Variants in GON4L observed in about 807,000 individuals in gnomAD.
GON4L encodes the protein gon-4 like, also known as GON-4-like protein.
GON4L carries 87 observed loss-of-function variants against 211.8 expected under a neutral mutation model. The observed-to-expected ratio is 0.41, with a 90% confidence interval of 0.35 to 0.49. GON4L has a LOEUF of 0.49. GON4L is among the 20% of genes least tolerant of loss of function. GON4L has a pLI of 0.15. For missense variants in GON4L, 2,155 were observed against 2,659.5 expected (o/e 0.81, Z 4.17); for synonymous variants, 875 against 962.6 (o/e 0.91, Z 1.68).
At chr1:155,797,369 C>T (rs918672099) in intron 11 of GON4L, among the ~76,000 whole-genome samples, 8 of 151,844 alleles carry the variant, frequency 5.3e-5, no homozygotes, top group Non-Finnish European at 1.2e-4. Context: ...CCTGCCTCGG[C>T]CCCTAAAAAG....
rs2102190182 is a variant in GON4L at position 155,814,179 on chromosome 1, T to C, written c.1281+151A>G. 4 of 840,152 alleles carry C rather than the reference T, an allele frequency of 4.8e-6. No individual in the cohort carries two copies. The South Asian group carries it at 5.6e-5, about 12-fold the overall frequency. 52.0% of individuals were successfully genotyped at this position (840,152 alleles called of 1,614,324 possible). A position where few individuals can be genotyped will look rare whatever the true frequency, so the allele number is the denominator to read the frequency against. On this transcript the variant is annotated intron_variant, in intron 9 of 31. Coordinates refer to ENST00000368331, the MANE Select transcript of GON4L (RefSeq NM_001282860.2). ...GAAAAGTTCTTTGGCTATCACTGAG[T>C]TCTAGCCTTCTCTGAACTGTTTACT...
chr1:155,775,761 G>T (rs952677229), intron 16 of GON4L, among the ~76,000 whole-genome samples: 2 of 151,854 alleles, frequency 1.3e-5, no homozygotes, highest in Non-Finnish European at 2.9e-5. Context: ...ACCCAGCCAA[G>T]AATTAGGACT....
intron 27 of GON4L, among the ~76,000 whole-genome samples, chr1:155,756,385 G>T (rs922402494): frequency 1.3e-5 from 2 of 152,126 alleles, no homozygotes; most frequent in Non-Finnish European, 2.9e-5. Context: ...GAGCTAGACA[G>T]AAAAGGGGAA....
At position 155,795,052 on chromosome 1, in the gene GON4L, G is replaced by A; in HGVS notation, c.1745C>T (p.Thr582Ile). The change falls in exon 12 of 32, where the codon ACC becomes ATC. Residue 582 changes from threonine (T) to isoleucine (I), a missense_variant and splice_region_variant. By Grantham distance (89) the Thr-to-Ile change is moderately conservative. Coordinates refer to ENST00000368331, the MANE Select transcript of GON4L (RefSeq NM_001282860.2). ...ACTTAGAATAAACACAGACTCACTG[G>A]TGATTCTCACTGCCCGGTCAGTCCG... Reference protein sequence around the residue: ...DFRTDRAVRITKKEVNELMEE... With the variant: ...DFRTDRAVRIIKKEVNELMEE... 6.5e-7 allele frequency: 1 copy of A among 1,538,292 alleles called. No individual in the cohort carries two copies. Among genetic ancestry groups the A allele is most frequent in the Non-Finnish European group, 9.0e-7 (1 of 1,110,830 alleles).
intron 24 of GON4L, among the ~76,000 whole-genome samples, chr1:155,758,679 G>C (rs1168262698): frequency 6.6e-6 from 1 of 152,112 alleles, no homozygotes; most frequent in Non-Finnish European, 1.5e-5. Flanking sequence ...AAGAGTTCGA[G>C]ACCAGCCTGA....
chr1:155,786,352 A>G (rs1014045029), intron 12 of GON4L, among the ~76,000 whole-genome samples: 1 of 152,082 alleles, frequency 6.6e-6, no homozygotes, highest in Non-Finnish European at 1.5e-5. Flanking sequence ...CCTGGGCAAA[A>G]TGTTGAAACC....
chr1:155,824,762 C>CA (rs58791710), intron 3 of GON4L, among the ~76,000 whole-genome samples: 2,909 of 51,724 alleles, frequency 0.056, 91 homozygotes, highest in African/African-American at 0.12. Flanking sequence ...GACTCTGTCG[C>CA]AAAAAAAAAA....
In GON4L at chr1:155,753,362, C is replaced by T. The variant is rs1223511990; in HGVS notation, c.5684G>A (p.Ser1895Asn). ...AGGACTAGCCTCTCGGTGGGGGCTG[C>T]TGCCCACCAACTCATGGGGCTCCTT... ...KSKEPHELVGSSPHREASPMP... is the reference protein window; with the variant it reads ...KSKEPHELVGNSPHREASPMP... Residue 1895 changes from serine to asparagine, a missense_variant, in exon 29 of 32, where the codon AGC becomes AAC. Physicochemically the swap from Ser to Asn is conservative, Grantham distance 46. Coordinates refer to ENST00000368331, the MANE Select transcript of GON4L (RefSeq NM_001282860.2). 6.2e-7 allele frequency: 1 copy of T among 1,612,920 alleles called. No homozygotes were observed. Among genetic ancestry groups the T allele is most frequent in the African/African-American group, 1.3e-5 (1 of 74,714 alleles).
At position 155,796,477 on chromosome 1, in the gene GON4L, C is replaced by T. The variant is rs1666080819; in HGVS notation, c.1646-1326G>A. ...ATTTTTAGTAGAGACAAGGTTTCAC[C>T]ATGTTGGCCAAGCTGGTCTCGAACT... On this transcript the variant is annotated intron_variant, in intron 11 of 31. Coordinates refer to ENST00000368331, the MANE Select transcript of GON4L (RefSeq NM_001282860.2). Among the ~76,000 whole-genome samples the T allele has an allele frequency of 1.3e-5, 2 of 152,116 alleles. 1 individual carries two copies. The highest frequency in any genetic ancestry group is 1.3e-4 in the Admixed American group (2 of 15,260).
chr1:155,835,891 T>C (rs750149162), intron 2 of GON4L, among the ~76,000 whole-genome samples: 1 of 152,176 alleles, frequency 6.6e-6, no homozygotes, highest in African/African-American at 2.4e-5. Context: ...TTGGTGACCA[T>C]GAAGAGACCA....
intron 12 of GON4L, among the ~76,000 whole-genome samples, chr1:155,792,940 T>C (rs1312463573): frequency 1.3e-5 from 2 of 152,104 alleles, no homozygotes; most frequent in African/African-American, 4.8e-5. Context: ...ATTTTTAAAA[T>C]GTTTTTGTAG....
chr1:155,811,159 G>A (rs1011207166), intron 10 of GON4L, among the ~76,000 whole-genome samples: 6 of 151,844 alleles, frequency 4.0e-5, no homozygotes, highest in African/African-American at 7.3e-5. Context: ...TTGGGAGGCC[G>A]AGGCAAGTGG....
chr1:155,772,405 A>T (rs1663286785), intron 18 of GON4L, among the ~76,000 whole-genome samples: 1 of 152,088 alleles, frequency 6.6e-6, no homozygotes, highest in Admixed American at 6.6e-5. Context: ...TCGTGGTTAC[A>T]TATACACATA....
intron 2 of GON4L, among the ~76,000 whole-genome samples, chr1:155,834,364 G>A (rs891610166): frequency 7.2e-5 from 11 of 151,952 alleles, no homozygotes; most frequent in African/African-American, 2.4e-4. Flanking sequence ...TCTTCCTCAA[G>A]GCAAGGTTGT....
At chr1:155,772,449 G>A (rs1030569439) in intron 18 of GON4L, among the ~76,000 whole-genome samples, 2 of 151,770 alleles carry the variant, frequency 1.3e-5, no homozygotes, top group African/African-American at 2.4e-5. Context: ...ACACACAAAG[G>A]GCCATAAAAA....
intron 2 of GON4L, among the ~76,000 whole-genome samples, chr1:155,831,252 T>A (rs1160049090): frequency 6.6e-6 from 1 of 152,034 alleles, no homozygotes; most frequent in East Asian, 1.9e-4. Flanking sequence ...TGAGCCGTAA[T>A]TGCACTGCTG....
At chr1:155,829,558 GTGAGCCAAGGTTGCAC>G (rs1202202682) in intron 2 of GON4L, among the ~76,000 whole-genome samples, 4 of 152,124 alleles carry the variant, frequency 2.6e-5, no homozygotes, top group Non-Finnish European at 4.4e-5. Context: ...CAAGGTTGCA[GTGAGCCAAGGTTGCAC>G]CACTGCATTC....
chr1:155,778,491 T>C (rs376911530), intron 14 of GON4L, among the ~76,000 whole-genome samples: 80 of 152,290 alleles, frequency 5.3e-4, no homozygotes, highest in African/African-American at 1.8e-3. Flanking sequence ...GACCTCATGA[T>C]CCACCCATCT....
chr1:155,761,748 G>A (rs1661830693), intron 23 of GON4L, among the ~76,000 whole-genome samples: 1 of 152,096 alleles, frequency 6.6e-6, no homozygotes, highest in African/African-American at 2.4e-5. Context: ...ACCCACCTCG[G>A]CCTCCCAAAG....
Sources: gnomAD v4.1 joint callset for allele counts (sites outside exome capture counted in the v4.1 genomes callset) on GRCh38, gnomAD v4.1.1 for gene constraint, MANE v1.5 for transcripts, NCBI Gene and HGNC (gene_info 2026-07-23, HGNC 2026-07-21) for gene names.